Variants in UBASH3B observed in about 807,000 individuals in gnomAD.
UBASH3B encodes the protein ubiquitin associated and SH3 domain containing B, also known as ubiquitin-associated and SH3 domain-containing protein B.
Under a neutral mutation model 83.4 loss-of-function variants are expected in UBASH3B, and 37 were observed. The observed-to-expected ratio is 0.44, with a 90% CI of 0.34 to 0.58. The LOEUF is 0.58. Among genes scored for constraint, UBASH3B ranks in the 20% least tolerant of loss-of-function variants. The probability of loss-of-function intolerance (pLI) is 0.01; values close to 1 mark genes in which losing one functional copy is unlikely to be tolerated. For missense variants in UBASH3B, 657 were observed against 827.2 expected (o/e 0.79, Z 2.52); for synonymous variants, 304 against 318.3 (o/e 0.96, Z 0.48).
chr11:122,713,198 C>T (rs1211326881), intron 1 of UBASH3B, among the ~76,000 whole-genome samples: 2 of 152,128 alleles, frequency 1.3e-5, no homozygotes, highest in African/African-American at 2.4e-5. Flanking sequence ...TGAGCCACTG[C>T]ACCCGGCCCA....
chr11:122,741,962 C>A (rs10750224), intron 1 of UBASH3B, among the ~76,000 whole-genome samples: 1 of 152,004 alleles, frequency 6.6e-6, no homozygotes, highest in Non-Finnish European at 1.5e-5. Context: ...TGGAAACTGG[C>A]TCACTCTCAC....
intron 1 of UBASH3B, among the ~76,000 whole-genome samples, chr11:122,744,957 G>A (rs374878099): frequency 3.7e-4 from 56 of 151,220 alleles, no homozygotes; most frequent in African/African-American, 1.3e-3. Context: ...AAGGGCAGCT[G>A]AGGCAGAGGA....
intron 1 of UBASH3B, among the ~76,000 whole-genome samples, chr11:122,661,247 G>A (rs1470681994): frequency 6.6e-6 from 1 of 152,184 alleles, no homozygotes; most frequent in Non-Finnish European, 1.5e-5. Context: ...TGGAATGAGC[G>A]CTTTTGACTT....
chr11:122,694,068 TG>T (rs1863930272), intron 1 of UBASH3B, among the ~76,000 whole-genome samples: 1 of 152,162 alleles, frequency 6.6e-6, no homozygotes, highest in Non-Finnish European at 1.5e-5. Context: ...CAGCCTGATT[TG>T]GGTGATATGT....
chr11:122,745,632 A>T (rs1861106395), intron 1 of UBASH3B, among the ~76,000 whole-genome samples: 1 of 152,240 alleles, frequency 6.6e-6, no homozygotes, highest in Admixed American at 6.5e-5. Context: ...ATTGACCCAC[A>T]GGCTTTGAAA....
intron 1 of UBASH3B, among the ~76,000 whole-genome samples, chr11:122,729,795 CAAAAAAAAAA>C (rs71054092): frequency 2.4e-5 from 1 of 40,900 alleles, no homozygotes; most frequent in Non-Finnish European, 4.1e-5. Flanking sequence ...CCTATCTCTA[CAAAAAAAAAA>C]AAAAAAAAAA....
In UBASH3B at chr11:122,724,553, A is replaced by G. The variant is rs1217323917; in HGVS notation, c.162-51666A>G. ...GCTGTAATAGAGGAAAAATCAGAGGACTGCGGGGACACAGAGGAGCGGCCA... is the reference window on the plus strand; with the variant it reads ...GCTGTAATAGAGGAAAAATCAGAGGGCTGCGGGGACACAGAGGAGCGGCCA... On this transcript the variant is annotated intron_variant, in intron 1 of 13. Transcript: ENST00000284273. 7.5e-5 allele frequency among the ~76,000 whole-genome samples: 11 copies of G among 145,760 alleles called. No homozygotes were observed. The East Asian group carries it at 1.9e-3, about 26-fold the overall frequency.
intron 8 of UBASH3B, among the ~76,000 whole-genome samples, chr11:122,796,503 T>C (rs141967554): frequency 1.9e-4 from 29 of 152,278 alleles, no homozygotes; most frequent in African/African-American, 7.0e-4. Flanking sequence ...GACAGATGTC[T>C]TGCCCCAGGT....
intron 1 of UBASH3B, chr11:122,774,158 G>A (rs1421858236): frequency 1.0e-6 from 1 of 985,306 alleles, no homozygotes; most frequent in Admixed American, 6.2e-5. Flanking sequence ...TTGTCAAAGT[G>A]TGGGAATGAG....
chr11:122,803,240 G>T (rs1861286472), intron 11 of UBASH3B, among the ~76,000 whole-genome samples: 1 of 152,208 alleles, frequency 6.6e-6, no homozygotes, highest in Non-Finnish European at 1.5e-5. Context: ...GTTGAAGCAT[G>T]TGAAAGGGAC....
chr11:122,707,022 G>C (rs1864128280), intron 1 of UBASH3B, among the ~76,000 whole-genome samples: 1 of 152,098 alleles, frequency 6.6e-6, no homozygotes, highest in South Asian at 2.1e-4. Flanking sequence ...TTCTGAGATG[G>C]TACCCTTTCT....
chr11:122,739,157 C>T (rs948334630), intron 1 of UBASH3B, among the ~76,000 whole-genome samples: 1 of 152,036 alleles, frequency 6.6e-6, no homozygotes, highest in Non-Finnish European at 1.5e-5. Flanking sequence ...CCACCACACC[C>T]GGGTAATTTG....
intron 1 of UBASH3B, among the ~76,000 whole-genome samples, chr11:122,752,703 G>C (rs1861218134): frequency 6.6e-6 from 1 of 152,186 alleles, no homozygotes; most frequent in Non-Finnish European, 1.5e-5. Context: ...ATGGAATGAA[G>C]TATGATCCCA....
At chr11:122,794,066 C>T (rs1476595032) in intron 6 of UBASH3B, among the ~76,000 whole-genome samples, 5 of 152,248 alleles carry the variant, frequency 3.3e-5, no homozygotes, top group Non-Finnish European at 5.9e-5. Context: ...ATCATTGATA[C>T]GTTGTTATTC....
At chr11:122,680,320 CG>C (rs57604031) in intron 1 of UBASH3B, among the ~76,000 whole-genome samples, 3,682 of 152,160 alleles carry the variant, frequency 0.024, 81 homozygotes, top group East Asian at 0.071. Flanking sequence ...ATCAAAGGCA[CG>C]GGGAAGGACA....
intron 1 of UBASH3B, among the ~76,000 whole-genome samples, chr11:122,673,962 C>A (rs112490874): frequency 6.5e-4 from 99 of 152,206 alleles, no homozygotes; most frequent in African/African-American, 2.3e-3. Context: ...CTTTTTCTTC[C>A]ACTAATTTCC....
chr11:122,752,874 A>G (rs1325201207), intron 1 of UBASH3B, among the ~76,000 whole-genome samples: 3 of 152,144 alleles, frequency 2.0e-5, no homozygotes, highest in Non-Finnish European at 4.4e-5. Flanking sequence ...CATACAAACA[A>G]CCAACCTTTG....
At chr11:122,677,352 A>G (rs1863681774) in intron 1 of UBASH3B, among the ~76,000 whole-genome samples, 1 of 152,164 alleles carries the variant, frequency 6.6e-6, no homozygotes, top group Non-Finnish European at 1.5e-5. Flanking sequence ...CTTTTCAAAT[A>G]TTCTCTCCTT....
intron 11 of UBASH3B, among the ~76,000 whole-genome samples, chr11:122,801,668 G>A (rs1271405530): frequency 6.6e-6 from 1 of 152,188 alleles, no homozygotes; most frequent in Non-Finnish European, 1.5e-5. Flanking sequence ...AGCGATAAGG[G>A]AGATGATGAT....
Sources: gnomAD v4.1 joint callset for allele counts (sites outside exome capture counted in the v4.1 genomes callset) on GRCh38, gnomAD v4.1.1 for gene constraint, MANE v1.5 for transcripts, NCBI Gene and HGNC (gene_info 2026-07-23, HGNC 2026-07-21) for gene names.